ZNF606: variants seen among roughly 807,000 people sequenced by gnomAD.
The protein encoded by ZNF606 is zinc finger protein 606.
Under a neutral mutation model 74.9 loss-of-function variants are expected in ZNF606, and 37 were observed. The observed-to-expected ratio is 0.49, with a 90% confidence interval of 0.38 to 0.65. ZNF606 has a LOEUF of 0.65. Ranked by LOEUF, ZNF606 falls within the 30% of genes least tolerant of loss-of-function variation. The probability of loss-of-function intolerance (pLI) is 0.00; values close to 1 mark genes in which losing one functional copy is unlikely to be tolerated. For synonymous variants in ZNF606, 328 were observed against 312.4 expected, an observed-to-expected ratio of 1.05 and a Z score of -0.53; for missense variants, 852 against 952.9, an observed-to-expected ratio of 0.89 and a Z score of 1.39.
At chr19:57,999,666 C>T (rs1471166063) in intron 4 of ZNF606, 142 bp downstream of exon 4, 4 of 810,772 alleles carry the variant, frequency 4.9e-6, no homozygotes, top group East Asian at 2.6e-5. Flanking sequence ...ATTCTCCCTA[C>T]CTGCTCTCAG....
At chr19:57,991,409 A>G (rs993087558) in intron 4 of ZNF606, among the ~76,000 whole-genome samples, 1 of 152,170 alleles carries the variant, frequency 6.6e-6, no homozygotes, top group African/African-American at 2.4e-5. Flanking sequence ...CCCATGGTCA[A>G]TGACAACTTC....
chr19:57,985,705 G>A (rs2073153298), intron 6 of ZNF606, among the ~76,000 whole-genome samples: 1 of 151,146 alleles, frequency 6.6e-6, no homozygotes, highest in African/African-American at 2.4e-5. Flanking sequence ...GAGGTGGGTG[G>A]ATCATGAGGT....
At chr19:57,993,797 A>G (rs1016813547) in intron 4 of ZNF606, among the ~76,000 whole-genome samples, 13 of 152,328 alleles carry the variant, frequency 8.5e-5, no homozygotes, top group Middle Eastern at 3.4e-3. Context: ...TGAAACTGGA[A>G]GCAGAACTGA....
Position 58,000,245 on chromosome 19 carries a change from T to C in ZNF606, c.89-349A>G. ...CTGGTTTTCTTTTTTTTTTTGAGAC[T>C]GAGTCTCGCTCTGTCGCCCAGGCTG... is the stretch of plus-strand genomic sequence containing the variant. On this transcript the variant is annotated intron_variant, in intron 3 of 6. Transcript: ENST00000551380. 5.0e-6 allele frequency: 2 copies of C among 403,620 alleles called. 1 individual carries two copies. The highest frequency in any genetic ancestry group is 8.8e-6 in the Non-Finnish European group (2 of 226,782). The allele number at this position is 403,620 out of a possible 1,614,324, so 25.0% of individuals were successfully genotyped here.
Position 58,001,323 on chromosome 19 carries a change from G to C in ZNF606, c.-4C>G, listed in dbSNP as rs748024409. On this transcript the variant is annotated 5_prime_UTR_variant, in exon 2 of 7. Coordinates refer to ENST00000551380, the MANE Select transcript of ZNF606 (RefSeq NM_001348022.3). Reference sequence around the variant, plus strand: ...CCCACGGGTTGATGGCTGCCATCCCGAGGACTGATTGACCAGGCACCTGCC... The same window carrying C: ...CCCACGGGTTGATGGCTGCCATCCCCAGGACTGATTGACCAGGCACCTGCC... The C allele has an allele frequency of 6.2e-7, 1 of 1,614,050 alleles. No homozygotes were observed. Among genetic ancestry groups the C allele is most frequent in the African/African-American group, 1.3e-5 (1 of 75,002 alleles).
rs191443253 is a variant in ZNF606 at position 58,002,287 on chromosome 19, T to C, written c.-52+109A>G. ...GGAACGAACGGGGTTATTCGTCCCA[T>C]CAATGGCCTCAGAAGCATCCTTATC... On this transcript the variant is annotated intron_variant, in intron 1 of 6. Transcript: ENST00000551380. 153 of 456,702 alleles carry C rather than the reference T, an allele frequency of 3.4e-4. 3 individuals carry two copies. The highest frequency in any genetic ancestry group is 3.0e-3 in the African/African-American group (149 of 50,190). 28.3% of individuals were successfully genotyped at this position (456,702 alleles called of 1,614,324 possible). A position where few individuals can be genotyped will look rare whatever the true frequency, so the allele number is the denominator to read the frequency against.
At chr19:58,001,232 C>G in intron 2 of ZNF606, 57 bp downstream of exon 2, 1 of 1,605,098 alleles carries the variant, frequency 6.2e-7, no homozygotes, top group Non-Finnish European at 8.5e-7. Flanking sequence ...AGCTCTGACC[C>G]ATGACTGCAG....
intron 6 of ZNF606, among the ~76,000 whole-genome samples, chr19:57,984,825 T>C (rs1225582429): frequency 6.6e-6 from 1 of 152,330 alleles, no homozygotes; most frequent in East Asian, 1.9e-4. Flanking sequence ...CCAGGCGCAG[T>C]GGCTCATGCC....
chr19:57,984,313 G>A (rs1295104219), intron 6 of ZNF606, among the ~76,000 whole-genome samples: 2 of 152,226 alleles, frequency 1.3e-5, no homozygotes, highest in Admixed American at 6.5e-5. Flanking sequence ...TGTAAAATGG[G>A]AGAAGTGTAA....
chr19:57,983,312 C>T (rs1158840930), intron 6 of ZNF606, among the ~76,000 whole-genome samples: 4 of 152,052 alleles, frequency 2.6e-5, no homozygotes, highest in African/African-American at 9.7e-5. Context: ...TGGTAGCTCA[C>T]GCCTGTAATC....
chr19:57,993,971 C>T (rs982307106), intron 4 of ZNF606, among the ~76,000 whole-genome samples: 2 of 152,164 alleles, frequency 1.3e-5, no homozygotes, highest in African/African-American at 2.4e-5. Flanking sequence ...ACAGACCAGA[C>T]GTCTCCTGGA....
chr19:57,983,596 A>AG (rs1167499378), intron 6 of ZNF606, among the ~76,000 whole-genome samples: 2 of 151,896 alleles, frequency 1.3e-5, no homozygotes, highest in African/African-American at 4.8e-5. Context: ...AAAAAAGAAA[A>AG]GAAAAAGAAA....
Position 58,001,793 on chromosome 19 carries a change from T to C in ZNF606, c.-51-423A>G, listed in dbSNP as rs2073433340. On this transcript the variant is annotated intron_variant, in intron 1 of 6. Coordinates refer to ENST00000551380, the MANE Select transcript of ZNF606 (RefSeq NM_001348022.3). The stretch of plus-strand genomic sequence containing the variant: ...GGTGATGAAATGTTCTAAAATTAGA[T>C]AATGGGGATGATTGCACAACTTTAT... Among the ~76,000 whole-genome samples the C allele has an allele frequency of 2.0e-5, 3 of 152,360 alleles. No homozygotes were observed. The South Asian group carries it at 6.2e-4, about 32-fold the overall frequency.
intron 6 of ZNF606, 150 bp downstream of exon 6, chr19:57,988,057 T>C: frequency 5.0e-6 from 3 of 596,676 alleles, no homozygotes; most frequent in Non-Finnish European, 5.7e-6. Context: ...GATGCTTCTT[T>C]GCTCTAAATC....
chr19:57,996,239 C>G (rs1027372550), intron 4 of ZNF606, among the ~76,000 whole-genome samples: 2 of 152,160 alleles, frequency 1.3e-5, no homozygotes, highest in African/African-American at 4.8e-5. Flanking sequence ...CAATGGCTCA[C>G]GCCTGTAATC....
Position 57,977,550 on chromosome 19 carries a change from T to C in ZNF606, c.*751A>G, listed in dbSNP as rs1263880907. Reference sequence around the variant, plus strand: ...ACTGATGCAGTGTCCATAATTATAATTTATAGTGATTGCCTAAAACAAATT... The same window carrying C: ...ACTGATGCAGTGTCCATAATTATAACTTATAGTGATTGCCTAAAACAAATT... On this transcript the variant is annotated 3_prime_UTR_variant, in exon 7 of 7. Transcript: ENST00000551380. The C allele has an allele frequency of 6.6e-6, 1 of 152,210 alleles. No individual in the cohort carries two copies. Among genetic ancestry groups the C allele is most frequent in the East Asian group, 1.9e-4 (1 of 5,200 alleles). The allele number at this position is 152,210 out of a possible 1,614,324, so 9.4% of individuals were successfully genotyped here. A position where few individuals can be genotyped will look rare whatever the true frequency, so the allele number is the denominator to read the frequency against.
chr19:58,002,257 G>A (rs1326219999), intron 1 of ZNF606, 139 bp downstream of exon 1: 6 of 456,648 alleles, frequency 1.3e-5, no homozygotes, highest in East Asian at 6.9e-5. Context: ...AGAAACGACG[G>A]CTGGGGAACG....
intron 6 of ZNF606, among the ~76,000 whole-genome samples, chr19:57,984,887 G>A (rs2073141532): frequency 6.6e-6 from 1 of 152,206 alleles, no homozygotes; most frequent in African/African-American, 2.4e-5. Flanking sequence ...GAGGTCAGGA[G>A]ATCAAGACCA....
rs1159494660 is a variant in ZNF606, at chr19:57,990,051, CAAA to C, written c.178-1333_178-1331del. Among the ~76,000 whole-genome samples the C allele has an allele frequency of 3.3e-3, 46 of 13,828 alleles. 1 individual carries two copies. Among genetic ancestry groups the C allele is most frequent in the African/African-American group, 0.013 (44 of 3,426 alleles). 9.1% of individuals were successfully genotyped at this position (13,828 alleles called of 152,430 possible). A position where few individuals can be genotyped will look rare whatever the true frequency, so the allele number is the denominator to read the frequency against. On this transcript the variant is annotated intron_variant, in intron 4 of 6. Transcript: ENST00000551380. The stretch of plus-strand genomic sequence containing the variant: ...TGGATGACAGAGCGAGACTCCATCT[CAAA>C]AAAAAAAAAAAAAAAAAAAAAAAAA...
Sources: gnomAD v4.1 joint callset for allele counts (sites outside exome capture counted in the v4.1 genomes callset) on GRCh38, gnomAD v4.1.1 for gene constraint, MANE v1.5 for transcripts, NCBI Gene and HGNC (gene_info 2026-07-23, HGNC 2026-07-21) for gene names.